The following PHC2 variants were observed in gnomAD, a reference collection of about 807,000 sequenced individuals.
PHC2 encodes polyhomeotic-like protein 2.
PHC2 carries 29 observed loss-of-function variants against 87.4 expected under a neutral mutation model. The ratio of observed to expected loss-of-function variants is 0.33; its 90% CI spans 0.25 to 0.45. PHC2 has a LOEUF of 0.45. PHC2 is among the 20% of genes least tolerant of loss of function. The probability of loss-of-function intolerance (pLI) is 1.00; values close to 1 mark genes in which losing one functional copy is unlikely to be tolerated. For missense variants in PHC2, 857 were observed against 1,136.7 expected (o/e 0.75, Z 3.54); for synonymous variants, 438 against 461.7 (o/e 0.95, Z 0.66).
chr1:33,381,547 A>T (rs1168991357), intron 1 of PHC2, among the ~76,000 whole-genome samples: 1 of 151,922 alleles, frequency 6.6e-6, no homozygotes, highest in Non-Finnish European at 1.5e-5. Context: ...TGATTATCCC[A>T]ATTTTGTCAA....
At chr1:33,407,244 G>GTT (rs1200708720) in intron 1 of PHC2, among the ~76,000 whole-genome samples, 1 of 152,158 alleles carries the variant, frequency 6.6e-6, no homozygotes, top group Non-Finnish European at 1.5e-5. Context: ...TGCAATTTCT[G>GTT]AAGTTTCTGT....
At position 33,323,843 on chromosome 1, in the gene PHC2, AAAG is replaced by A. The variant is rs1341651343; in HGVS notation, c.*1019_*1021del. 1.3e-5 allele frequency: 2 copies of A among 152,620 alleles called. No individual in the cohort carries two copies. The highest frequency in any genetic ancestry group is 4.8e-5 in the African/African-American group (2 of 41,438). The allele number at this position is 152,620 out of a possible 1,614,324, so 9.5% of individuals were successfully genotyped here. A position where few individuals can be genotyped will look rare whatever the true frequency, so the allele number is the denominator to read the frequency against. On this transcript the variant is annotated 3_prime_UTR_variant, in exon 15 of 15. Coordinates refer to ENST00000683057, the MANE Select transcript of PHC2 (RefSeq NM_001385109.1). ...ATTGCTGCTAGGAAGATTTATAGGC[AAAG>A]AAGTGTGGGAGTGGGAGGCCAAGAG...
intron 7 of PHC2, among the ~76,000 whole-genome samples, chr1:33,366,165 T>C (rs948808784): frequency 3.3e-5 from 5 of 152,236 alleles, no homozygotes. Flanking sequence ...ACAGATTAGA[T>C]TGGATGGTAA....
intron 9 of PHC2, among the ~76,000 whole-genome samples, chr1:33,343,483 A>AT (rs1466331027): frequency 6.6e-6 from 1 of 151,252 alleles, no homozygotes; most frequent in Admixed American, 6.6e-5. Flanking sequence ...AAAAAAAAAA[A>AT]AAAAAAAAGA....
chr1:33,423,478 T>C (rs1324358670), intron 1 of PHC2, among the ~76,000 whole-genome samples: 1 of 152,156 alleles, frequency 6.6e-6, no homozygotes, highest in African/African-American at 2.4e-5. Flanking sequence ...TGGTACTATA[T>C]CTAAAATTAA....
intron 1 of PHC2, among the ~76,000 whole-genome samples, chr1:33,383,854 C>CA (rs1159872590): frequency 6.6e-6 from 1 of 152,066 alleles, no homozygotes; most frequent in African/African-American, 2.4e-5. Context: ...TGCCACCAGC[C>CA]AAAGAACACC....
chr1:33,393,653 T>C (rs1365839141), intron 1 of PHC2, among the ~76,000 whole-genome samples: 2 of 23,372 alleles, frequency 8.6e-5, no homozygotes, highest in African/African-American at 8.0e-4. Context: ...CTTCAGAAGG[T>C]AGGTTGATTT....
At chr1:33,381,128 T>G in intron 1 of PHC2, among the ~76,000 whole-genome samples, 1 of 152,204 alleles carries the variant, frequency 6.6e-6, no homozygotes, top group South Asian at 2.1e-4. Flanking sequence ...TTCCTTCAAA[T>G]TAGGTTCCAG....
chr1:33,327,452 T>C (rs1646396002), intron 14 of PHC2, among the ~76,000 whole-genome samples: 1 of 152,110 alleles, frequency 6.6e-6, no homozygotes, highest in Non-Finnish European at 1.5e-5. Flanking sequence ...AACACAAATT[T>C]CTGGGGGTCA....
intron 14 of PHC2, chr1:33,325,970 A>G (rs1391008518): frequency 4.5e-6 from 2 of 446,740 alleles, no homozygotes; most frequent in Admixed American, 2.5e-5. Context: ...GCCTAAAGGA[A>G]AGTGAGGAAA....
intron 14 of PHC2, 100 bp downstream of exon 14, chr1:33,328,770 G>GT (rs1646426102): frequency 5.9e-6 from 7 of 1,191,954 alleles, no homozygotes; most frequent in African/African-American, 1.5e-5. Context: ...CTGAACCTGA[G>GT]TCATTAACTA....
At chr1:33,350,415 G>T (rs1411663298) in intron 9 of PHC2, 1 of 152,414 alleles carries the variant, frequency 6.6e-6, no homozygotes, top group East Asian at 1.9e-4. Flanking sequence ...GGGTTCAGGC[G>T]GCCCGCCGTG....
chr1:33,425,019 G>A (rs936909490), intron 1 of PHC2, among the ~76,000 whole-genome samples: 5 of 152,166 alleles, frequency 3.3e-5, no homozygotes, highest in Non-Finnish European at 7.4e-5. Context: ...ACTAGGGCAT[G>A]GTGTCGGGAA....
chr1:33,413,187 G>A (rs192627691), intron 1 of PHC2, among the ~76,000 whole-genome samples: 24 of 152,190 alleles, frequency 1.6e-4, no homozygotes, highest in Admixed American at 3.3e-4. Flanking sequence ...GGCTGGTCTC[G>A]AACTCCTGAC....
intron 9 of PHC2, among the ~76,000 whole-genome samples, chr1:33,338,995 A>G (rs905559136): frequency 2.6e-5 from 4 of 152,200 alleles, no homozygotes; most frequent in African/African-American, 9.7e-5. Context: ...ATATGTCTCA[A>G]CTTCTAGGCT....
intron 1 of PHC2, among the ~76,000 whole-genome samples, chr1:33,404,523 T>C (rs1290525851): frequency 2.0e-5 from 3 of 152,234 alleles, no homozygotes; most frequent in East Asian, 3.9e-4. Flanking sequence ...TCTTGTCTCT[T>C]CTTTCCACTT....
In PHC2 at chr1:33,353,671, G is replaced by A. The variant is rs113523852; in HGVS notation, c.1558+730C>T. ...ACCCCCTCAGCAAACACAGCACAAT[G>A]ACTGGAACTGCCTCCCTGAGTTGCA... On this transcript the variant is annotated intron_variant, in intron 9 of 14. Transcript: ENST00000683057. Among the ~76,000 whole-genome samples, 710 of 152,188 alleles carry A rather than the reference G, an allele frequency of 4.7e-3. 11 individuals carry two copies. The highest frequency in any genetic ancestry group is 0.016 in the African/African-American group (677 of 41,504).
rs1368855898 is a variant in PHC2, at chr1:33,331,107, C to T, written c.2006+241G>A. Among the ~76,000 whole-genome samples the T allele has an allele frequency of 2.0e-5, 3 of 152,156 alleles. No individual in the cohort carries two copies. Among genetic ancestry groups the T allele is most frequent in the Non-Finnish European group, 4.4e-5 (3 of 68,034 alleles). ...TGGGTGCCAGTGGAGCCCAGGAGGG[C>T]CAGCCGAGCCAAAGCACTGCGGCTT... On this transcript the variant is annotated intron_variant, in intron 12 of 14. Transcript: ENST00000683057. The surrounding 1 kb of genome is among the most constrained non-coding windows in gnomAD (Gnocchi z 5.2).
intron 9 of PHC2, chr1:33,346,213 T>A: frequency 3.2e-6 from 3 of 942,946 alleles, no homozygotes; most frequent in African/African-American, 4.2e-5. Context: ...TGCTTTCCCA[T>A]AGGGCTGGGG....
Sources: allele counts gnomAD v4.1 joint callset (sites outside exome capture counted in the v4.1 genomes callset), GRCh38; gene constraint gnomAD v4.1.1; non-coding constraint Gnocchi (gnomAD v3.1); transcripts MANE v1.5; gene names NCBI Gene and HGNC (gene_info 2026-07-23, HGNC 2026-07-21).